The following PRICKLE1 variants were observed in gnomAD, a reference collection of about 807,000 sequenced individuals.
The protein encoded by PRICKLE1 is prickle-like protein 1.
A neutral mutation model predicts 70.2 loss-of-function variants in PRICKLE1; 14 were observed. The ratio of observed to expected loss-of-function variants is 0.20; its 90% CI spans 0.13 to 0.31. The LOEUF (loss-of-function observed/expected upper bound fraction) is 0.31. Ranked by LOEUF, PRICKLE1 falls within the 10% of genes least tolerant of loss-of-function variation. The pLI, the probability that PRICKLE1 is intolerant of heterozygous loss-of-function variation, is 1.00. For synonymous variants in PRICKLE1, 357 were observed against 379.9 expected (o/e 0.94, Z 0.70); for missense variants, 821 against 1,026.2 (o/e 0.80, Z 2.73).
In PRICKLE1 at chr12:42,459,379, G is replaced by C. The variant is rs141738298; in HGVS notation, c.*430C>G. The C allele has an allele frequency of 7.5e-4, 524 of 702,390 alleles. 1 individual carries two copies. The highest frequency in any genetic ancestry group is 1.2e-3 in the Non-Finnish European group (481 of 384,980). The allele number at this position is 702,390 out of a possible 1,614,324, so 43.5% of individuals were successfully genotyped here. A position where few individuals can be genotyped will look rare whatever the true frequency, so the allele number is the denominator to read the frequency against. On this transcript the variant is annotated 3_prime_UTR_variant, in exon 8 of 8. Coordinates refer to ENST00000345127, the MANE Select transcript of PRICKLE1 (RefSeq NM_153026.3). ...CAGTGTTAGCTAGGTCATCGTGACAGGCATGCCTCACACCAAGACGGACTA... is the reference window on the plus strand; with the variant it reads ...CAGTGTTAGCTAGGTCATCGTGACACGCATGCCTCACACCAAGACGGACTA...
At chr12:42,527,100 A>G (rs1566113794) in intron 1 of PRICKLE1, among the ~76,000 whole-genome samples, 1 of 150,206 alleles carries the variant, frequency 6.7e-6, no homozygotes, top group Admixed American at 6.7e-5. Context: ...GGTACAATTT[A>G]AGAGTGTGCT....
chr12:42,473,762 A>G (rs1938413064), intron 1 of PRICKLE1, among the ~76,000 whole-genome samples: 1 of 152,058 alleles, frequency 6.6e-6, no homozygotes, highest in South Asian at 2.1e-4. Flanking sequence ...TCACACATAC[A>G]CACTGACATG....
At chr12:42,475,886 G>A (rs1938504980) in intron 1 of PRICKLE1, among the ~76,000 whole-genome samples, 1 of 151,764 alleles carries the variant, frequency 6.6e-6, no homozygotes, top group South Asian at 2.1e-4. Context: ...GACCACCTGA[G>A]GTCAGGAGTT....
chr12:42,567,155 T>C (rs1030883420), intron 1 of PRICKLE1, among the ~76,000 whole-genome samples: 21 of 152,224 alleles, frequency 1.4e-4, no homozygotes, highest in Admixed American at 6.5e-5. Context: ...GGATGGTCTA[T>C]TGATGGATCA....
chr12:42,497,311 C>CG (rs1566102106), intron 1 of PRICKLE1, among the ~76,000 whole-genome samples: 49 of 152,042 alleles, frequency 3.2e-4, no homozygotes, highest in Admixed American at 3.0e-3. Context: ...TTTGGGAGGC[C>CG]AGGGCGGGCG....
At chr12:42,558,353 C>T (rs1329830942) in intron 1 of PRICKLE1, among the ~76,000 whole-genome samples, 1 of 152,204 alleles carries the variant, frequency 6.6e-6, no homozygotes, top group African/African-American at 2.4e-5. Flanking sequence ...AGGGAGGCAA[C>T]AACCAATCAT....
intron 1 of PRICKLE1, among the ~76,000 whole-genome samples, chr12:42,583,148 CGTGTGTGTGTGTGT>C (rs68143024): frequency 3.4e-5 from 5 of 148,236 alleles, no homozygotes; most frequent in Admixed American, 6.7e-5. Flanking sequence ...TAGATTGAAA[CGTGTGTGTGTGTGT>C]GTGTGTGTGT....
chr12:42,570,348 C>G (rs1423521107), intron 1 of PRICKLE1, among the ~76,000 whole-genome samples: 1 of 152,180 alleles, frequency 6.6e-6, no homozygotes, highest in Admixed American at 6.5e-5. Context: ...CTCAACTGAT[C>G]AAGGCATTTG....
intron 3 of PRICKLE1, 66 bp downstream of exon 3, chr12:42,470,180 G>T: frequency 8.6e-7 from 1 of 1,164,554 alleles, no homozygotes; most frequent in Non-Finnish European, 1.3e-6. Flanking sequence ...TTTATGAGCA[G>T]CATCTCAATG....
intron 1 of PRICKLE1, among the ~76,000 whole-genome samples, chr12:42,541,810 G>A (rs1203510836): frequency 1.3e-5 from 2 of 152,166 alleles, no homozygotes; most frequent in African/African-American, 4.8e-5. Context: ...ACATTAGGCT[G>A]ACCTTTCCTT....
At chr12:42,557,945 GCTAGAGT>G (rs994977905) in intron 1 of PRICKLE1, among the ~76,000 whole-genome samples, 66 of 152,266 alleles carry the variant, frequency 4.3e-4, no homozygotes, top group African/African-American at 1.5e-3. Flanking sequence ...CTAATAGCAG[GCTAGAGT>G]CATTAAAATT....
chr12:42,577,970 A>C (rs1940829866), intron 1 of PRICKLE1, among the ~76,000 whole-genome samples: 1 of 152,200 alleles, frequency 6.6e-6, no homozygotes, highest in Admixed American at 6.5e-5. Flanking sequence ...ATCTCGAACT[A>C]AAAGGTAGCT....
intron 4 of PRICKLE1, 85 bp downstream of exon 4, chr12:42,469,365 T>C (rs1938224997): frequency 1.3e-6 from 2 of 1,532,984 alleles, no homozygotes; most frequent in African/African-American, 2.7e-5. Flanking sequence ...GACCCACACC[T>C]CTGCTAGTCC....
chr12:42,563,487 C>A (rs1392627031), intron 1 of PRICKLE1, among the ~76,000 whole-genome samples: 1 of 151,224 alleles, frequency 6.6e-6, no homozygotes, highest in African/African-American at 2.4e-5. Flanking sequence ...ACCACGAGAT[C>A]AGGAGATCGA....
chr12:42,569,184 G>C (rs1592036638), intron 1 of PRICKLE1, among the ~76,000 whole-genome samples: 1 of 152,016 alleles, frequency 6.6e-6, no homozygotes, highest in East Asian at 1.9e-4. Flanking sequence ...CTCTCTGATG[G>C]CATCTTAAAA....
chr12:42,587,739 A>G (rs996986119), intron 1 of PRICKLE1, among the ~76,000 whole-genome samples: 2 of 152,266 alleles, frequency 1.3e-5, no homozygotes, highest in African/African-American at 4.8e-5. Flanking sequence ...CATTGGAGGC[A>G]AACTGAACCA....
At chr12:42,470,140 A>G in intron 3 of PRICKLE1, 106 bp downstream of exon 3, 1 of 821,862 alleles carries the variant, frequency 1.2e-6, no homozygotes, top group Non-Finnish European at 2.1e-6. Flanking sequence ...AGAAAGGCAA[A>G]AGGGAGCCCT....
chr12:42,497,263 T>C (rs1939218426), intron 1 of PRICKLE1, among the ~76,000 whole-genome samples: 2 of 151,990 alleles, frequency 1.3e-5, no homozygotes, highest in Admixed American at 1.3e-4. Flanking sequence ...CATTTATCGA[T>C]GGCCGGGCGT....
At chr12:42,481,059 A>C (rs904572681) in intron 1 of PRICKLE1, among the ~76,000 whole-genome samples, 2 of 152,208 alleles carry the variant, frequency 1.3e-5, no homozygotes, top group African/African-American at 4.8e-5. Flanking sequence ...GGAAAGGAAG[A>C]AATTGGGCCA....
Sources: allele counts gnomAD v4.1 joint callset (sites outside exome capture counted in the v4.1 genomes callset), GRCh38; gene constraint gnomAD v4.1.1; transcripts MANE v1.5; gene names NCBI Gene and HGNC (gene_info 2026-07-23, HGNC 2026-07-21).